Variants in HMCN1 observed in about 807,000 individuals in gnomAD.
HMCN1 encodes the protein hemicentin-1.
In HMCN1, 321 loss-of-function variants were observed where a neutral mutation model predicts 625.9. That is an observed-to-expected ratio of 0.51 (90% CI 0.47 to 0.56). HMCN1 has a LOEUF of 0.56. Ranked by LOEUF, HMCN1 falls within the 20% of genes least tolerant of loss-of-function variation. The pLI, the probability that HMCN1 is intolerant of heterozygous loss-of-function variation, is 0.00. For synonymous variants in HMCN1, 2,425 were observed against 2,417.6 expected (o/e 1.00, Z -0.09); for missense variants, 6,588 against 6,887.3 (o/e 0.96, Z 1.54).
At chr1:186,082,356 C>G (rs1659217017) in intron 56 of HMCN1, among the ~76,000 whole-genome samples, 1 of 152,144 alleles carries the variant, frequency 6.6e-6, no homozygotes, top group African/African-American at 2.4e-5. Context: ...TATCTGGGGC[C>G]TAAGTTGCAA....
chr1:186,023,285 A>T, intron 36 of HMCN1, 132 bp downstream of exon 36: 12 of 682,912 alleles, frequency 1.8e-5, no homozygotes, highest in Non-Finnish European at 2.4e-5. Context: ...AAAAAAACCT[A>T]GGGTTTTTTT....
chr1:185,893,965 A>G (rs1468040599), intron 4 of HMCN1, among the ~76,000 whole-genome samples: 2 of 151,974 alleles, frequency 1.3e-5, no homozygotes, highest in African/African-American at 2.4e-5. Context: ...ACTGTCATCA[A>G]AAAACATAGA....
intron 75 of HMCN1, 125 bp downstream of exon 75, chr1:186,115,539 T>A: frequency 1.1e-6 from 1 of 901,192 alleles, no homozygotes; most frequent in East Asian, 2.6e-5. Context: ...TATAGAGGGT[T>A]TTTTTCCTTA....
intron 13 of HMCN1, among the ~76,000 whole-genome samples, chr1:185,964,747 G>A (rs190239988): frequency 6.6e-6 from 1 of 152,188 alleles, no homozygotes; most frequent in Admixed American, 6.6e-5. Flanking sequence ...AATTAGCAAA[G>A]ATTTCTCAAA....
intron 50 of HMCN1, among the ~76,000 whole-genome samples, chr1:186,068,542 G>A (rs750863791): frequency 9.9e-5 from 15 of 152,136 alleles, no homozygotes; most frequent in Non-Finnish European, 2.1e-4. Context: ...TAGTCAGGGG[G>A]TATGATAAAT....
rs373816059 is a variant in HMCN1, at chr1:186,038,817, T to G, written c.5852-12T>G. 67 of 1,570,734 alleles carry G rather than the reference T, an allele frequency of 4.3e-5. No individual in the cohort carries two copies. The highest frequency in any genetic ancestry group is 5.5e-5 in the Non-Finnish European group (63 of 1,140,842). ...TTTTTACATAGATCATCTTCTCCCC[T>G]TCTTCTTTCAGTTATTACATGGTAC... On this transcript the variant is annotated splice_polypyrimidine_tract_variant and intron_variant, in intron 37 of 106. Transcript: ENST00000271588.
In HMCN1 at chr1:185,933,629, A is replaced by C; in HGVS notation, c.1633A>C (p.Ser545Arg). The change falls in exon 11 of 107, where the codon AGT (serine) becomes CGT (arginine). Residue 545 changes from serine to arginine, a missense_variant. By Grantham distance (110) the Ser-to-Arg change is moderately radical. Around this residue, in one of 3 missense-constraint regions of HMCN1, gnomAD observed 4,628 missense variants for 4,853.1 expected, o/e 0.95. Transcript: ENST00000271588. ...ERAVLTCLII[S>R]AVDYNLTWQR... ...AGCAGTTTTAACATGTCTCATCATC[A>C]GTGCGGTGGATTACAATCTAACCTG... The C allele has an allele frequency of 1.9e-6, 3 of 1,614,036 alleles. No homozygotes were observed. Among genetic ancestry groups the C allele is most frequent in the Non-Finnish European group, 2.5e-6 (3 of 1,179,940 alleles).
intron 13 of HMCN1, among the ~76,000 whole-genome samples, chr1:185,964,510 C>T (rs893633910): frequency 1.3e-5 from 2 of 151,986 alleles, no homozygotes; most frequent in Non-Finnish European, 2.9e-5. Context: ...ATGAAACTGT[C>T]AGTAGAGAAG....
chr1:185,786,673 G>C (rs1263652230), intron 1 of HMCN1, among the ~76,000 whole-genome samples: 1 of 152,170 alleles, frequency 6.6e-6, no homozygotes, highest in Non-Finnish European at 1.5e-5. Flanking sequence ...AATTATTAAT[G>C]TTAAAACTAT....
intron 1 of HMCN1, among the ~76,000 whole-genome samples, chr1:185,743,605 T>C (rs145991580): frequency 2.6e-5 from 4 of 152,342 alleles, no homozygotes; most frequent in East Asian, 1.9e-4. Flanking sequence ...AACCAGAGGA[T>C]CCATGTTGTA....
At chr1:186,050,850 T>C (rs1400514843) in intron 42 of HMCN1, among the ~76,000 whole-genome samples, 1 of 152,114 alleles carries the variant, frequency 6.6e-6, no homozygotes, top group Non-Finnish European at 1.5e-5. Context: ...GACAATGATG[T>C]TGTTCTCACG....
Position 185,970,383 on chromosome 1 carries a change from TGGGACTTTTGAAGATTCAAGA to T in HMCN1, c.2262_2282del (p.Gly755_Glu761del). 6.2e-7 allele frequency: 1 copy of T among 1,613,844 alleles called. No individual in the cohort carries two copies. Among genetic ancestry groups the T allele is most frequent in the Non-Finnish European group, 8.5e-7 (1 of 1,179,726 alleles). On this transcript the variant is annotated inframe_deletion, in exon 15 of 107. Coordinates refer to ENST00000271588, the MANE Select transcript of HMCN1 (RefSeq NM_031935.3). The stretch of plus-strand genomic sequence containing the variant: ...ACATTCCTCATTATTGACCCTCTCT[TGGGACTTTTGAAGATTCAAGA>T]AACACAAGATCTGGATGCTGGCGAT...
chr1:185,995,173 C>CTA, intron 24 of HMCN1, 86 bp downstream of exon 24: 2 of 1,218,412 alleles, frequency 1.6e-6, no homozygotes, highest in Non-Finnish European at 2.4e-6. Flanking sequence ...CTTCGATAAT[C>CTA]TTAAATGACT....
At position 185,797,822 on chromosome 1, in the gene HMCN1, C is replaced by T. The variant is rs1368384360; in HGVS notation, c.269-48204C>T. Among the ~76,000 whole-genome samples the T allele has an allele frequency of 5.0e-5, 7 of 140,980 alleles. 1 individual carries two copies. The South Asian group carries it at 8.6e-4, about 17-fold the overall frequency. The allele number at this position is 140,980 out of a possible 152,430, so 92.5% of individuals were successfully genotyped here. A position where few individuals can be genotyped will look rare whatever the true frequency, so the allele number is the denominator to read the frequency against. ...TCTACTAAAAATACAAAAAATTAGCCGGGCGTAGTGGCGGGCGCCTGTAGT... is the reference window on the plus strand; with the variant it reads ...TCTACTAAAAATACAAAAAATTAGCTGGGCGTAGTGGCGGGCGCCTGTAGT... On this transcript the variant is annotated intron_variant, in intron 1 of 106. Coordinates refer to ENST00000271588, the MANE Select transcript of HMCN1 (RefSeq NM_031935.3).
chr1:185,996,673 A>T (rs1652808951), intron 24 of HMCN1, among the ~76,000 whole-genome samples: 1 of 152,050 alleles, frequency 6.6e-6, no homozygotes, highest in Non-Finnish European at 1.5e-5. Flanking sequence ...TGGGGAAAAG[A>T]AGGGAATGGG....
intron 55 of HMCN1, among the ~76,000 whole-genome samples, 175 bp downstream of exon 55, chr1:186,078,395 C>G (rs562217979): frequency 6.6e-6 from 1 of 152,224 alleles, no homozygotes; most frequent in East Asian, 1.9e-4. Context: ...AGTCAGGACT[C>G]TTGAAGTATT....
At chr1:185,866,539 G>A (rs1172189946) in intron 4 of HMCN1, among the ~76,000 whole-genome samples, 2 of 151,188 alleles carry the variant, frequency 1.3e-5, no homozygotes, top group African/African-American at 4.9e-5. Flanking sequence ...CGAGTAGCTG[G>A]GACTACAGGC....
At chr1:186,107,181 G>C (rs1409628939) in intron 70 of HMCN1, among the ~76,000 whole-genome samples, 2 of 152,112 alleles carry the variant, frequency 1.3e-5, no homozygotes, top group South Asian at 4.1e-4. Context: ...CGCCTCCTGG[G>C]TTCACGCCAT....
chr1:186,087,866 C>T (rs1659605659), intron 60 of HMCN1, 66 bp from the exon 61 acceptor site: 10 of 1,415,698 alleles, frequency 7.1e-6, no homozygotes, highest in Non-Finnish European at 1.0e-5. Flanking sequence ...TTAATCTAAA[C>T]TCGAACAGTA....
Sources: gnomAD v4.1 joint callset for allele counts (sites outside exome capture counted in the v4.1 genomes callset) on GRCh38, gnomAD v4.1.1 for gene constraint, gnomAD v4.1.1 regional missense constraint, MANE v1.5 for transcripts, NCBI Gene and HGNC (gene_info 2026-07-23, HGNC 2026-07-21) for gene names.